The following DTNB variants were observed in gnomAD, a reference collection of about 807,000 sequenced individuals.
DTNB encodes the protein DTN-B.
In DTNB, 63 loss-of-function variants were observed where a neutral mutation model predicts 90.7. That is an observed-to-expected ratio of 0.69 (90% CI 0.57 to 0.86). The LOEUF is 0.86. Ranked by LOEUF, DTNB falls within the 40% of genes least tolerant of loss-of-function variation. The pLI is 0.00. For synonymous variants in DTNB, 277 were observed against 286.7 expected (o/e 0.97, Z 0.34); for missense variants, 744 against 807.1 (o/e 0.92, Z 0.95).
chr2:25,628,842 G>A (rs938075840), intron 3 of DTNB, among the ~76,000 whole-genome samples: 8 of 152,162 alleles, frequency 5.3e-5, no homozygotes, highest in Non-Finnish European at 2.9e-5. Context: ...ACTGCATTAA[G>A]TAAAATATTA....
chr2:25,446,330 G>C (rs182827611), intron 12 of DTNB, among the ~76,000 whole-genome samples: 4 of 152,256 alleles, frequency 2.6e-5, no homozygotes, highest in African/African-American at 9.6e-5. Flanking sequence ...TTGAACTTCT[G>C]GGCTCAAGCA....
chr2:25,608,573 T>C (rs2067666132), intron 4 of DTNB, among the ~76,000 whole-genome samples: 1 of 152,236 alleles, frequency 6.6e-6, no homozygotes, highest in Non-Finnish European at 1.5e-5. Context: ...GGCATATTCC[T>C]GCATCAAATA....
At chr2:25,481,800 A>T (rs971651432) in intron 10 of DTNB, 1 of 152,264 alleles carries the variant, frequency 6.6e-6, no homozygotes, top group African/African-American at 2.4e-5. Flanking sequence ...CAGAAATTCC[A>T]GTTCACTGGG....
At chr2:25,525,798 A>T (rs1457622904) in intron 9 of DTNB, among the ~76,000 whole-genome samples, 1 of 152,156 alleles carries the variant, frequency 6.6e-6, no homozygotes, top group Non-Finnish European at 1.5e-5. Flanking sequence ...AATAGAAGAA[A>T]CGTGAAGTCA....
chr2:25,656,084 A>C (rs1417537396), intron 1 of DTNB, among the ~76,000 whole-genome samples: 6 of 152,066 alleles, frequency 3.9e-5, no homozygotes, highest in Non-Finnish European at 7.4e-5. Flanking sequence ...CCACTCCCCC[A>C]CTGGCTTTTC....
At chr2:25,624,394 T>C (rs1255618776) in intron 4 of DTNB, among the ~76,000 whole-genome samples, 1 of 152,218 alleles carries the variant, frequency 6.6e-6, no homozygotes, top group Non-Finnish European at 1.5e-5. Flanking sequence ...CAACTCTTCC[T>C]TAACCTCAAC....
At chr2:25,541,706 C>T (rs1411679234) in intron 8 of DTNB, among the ~76,000 whole-genome samples, 1 of 152,066 alleles carries the variant, frequency 6.6e-6, no homozygotes, top group Non-Finnish European at 1.5e-5. Context: ...TCATGAATAG[C>T]GTTGCTATGA....
intron 6 of DTNB, among the ~76,000 whole-genome samples, chr2:25,583,246 CA>C (rs55876799): frequency 0.16 from 15,069 of 96,724 alleles, 777 homozygotes; most frequent in African/African-American, 0.22. Flanking sequence ...GATTCCGTCT[CA>C]AAAAAAAAAA....
intron 4 of DTNB, among the ~76,000 whole-genome samples, chr2:25,611,222 T>C (rs1243303026): frequency 6.6e-6 from 1 of 152,220 alleles, no homozygotes; most frequent in African/African-American, 2.4e-5. Flanking sequence ...TCCATTCTCT[T>C]ACTGAGGGAT....
chr2:25,550,418 A>C (rs1475649022), intron 8 of DTNB, among the ~76,000 whole-genome samples: 5 of 151,896 alleles, frequency 3.3e-5, no homozygotes, highest in African/African-American at 1.2e-4. Context: ...CAAAACAAAC[A>C]AACAAAAAAA....
chr2:25,663,158 C>T (rs1361417235), intron 1 of DTNB, among the ~76,000 whole-genome samples: 1 of 151,740 alleles, frequency 6.6e-6, no homozygotes, highest in African/African-American at 2.4e-5. Context: ...TGAGAACATG[C>T]GGTATTCTGT....
At chr2:25,524,424 G>T (rs867218514) in intron 9 of DTNB, among the ~76,000 whole-genome samples, 1 of 148,320 alleles carries the variant, frequency 6.7e-6, no homozygotes, top group Non-Finnish European at 1.5e-5. Context: ...TTTTTTGGTG[G>T]GGGGGGTGGT....
chr2:25,444,192 A>T (rs1574542780), intron 12 of DTNB, among the ~76,000 whole-genome samples: 1 of 152,158 alleles, frequency 6.6e-6, no homozygotes. Context: ...AGAATTTGCT[A>T]TTACGACTAC....
intron 2 of DTNB, among the ~76,000 whole-genome samples, chr2:25,645,347 G>A (rs13030960): frequency 0.3 from 43,206 of 141,680 alleles, 7,238 homozygotes; most frequent in Non-Finnish European, 0.4. Context: ...GACAGAGCAA[G>A]ACTCCATCAC....
chr2:25,624,655 T>C (rs999283907), intron 4 of DTNB, among the ~76,000 whole-genome samples: 1 of 152,132 alleles, frequency 6.6e-6, no homozygotes, highest in Non-Finnish European at 1.5e-5. Flanking sequence ...AGGTTGGAAA[T>C]AGAAAGGGGA....
At chr2:25,384,170 C>T (rs2038781681) in intron 18 of DTNB, among the ~76,000 whole-genome samples, 1 of 152,224 alleles carries the variant, frequency 6.6e-6, no homozygotes, top group Non-Finnish European at 1.5e-5. Flanking sequence ...GGGTTGCGTG[C>T]CTCTGTTCTA....
chr2:25,417,095 A>T (rs979917843), intron 16 of DTNB, among the ~76,000 whole-genome samples: 1 of 152,236 alleles, frequency 6.6e-6, no homozygotes. Flanking sequence ...CTAAGTCAAC[A>T]GAGCAGCACT....
chr2:25,379,015 G>A (rs1049199961), intron 20 of DTNB, among the ~76,000 whole-genome samples: 4 of 152,186 alleles, frequency 2.6e-5, no homozygotes, highest in African/African-American at 4.8e-5. Context: ...CAGCAGTGTC[G>A]GGTCTGCCAA....
At chr2:25,443,075 C>T (rs982583273) in intron 12 of DTNB, among the ~76,000 whole-genome samples, 1 of 152,098 alleles carries the variant, frequency 6.6e-6, no homozygotes, top group African/African-American at 2.4e-5. Context: ...GAGAGATCAT[C>T]TAAAAATTAA....
Sources: gnomAD v4.1 joint callset for allele counts (sites outside exome capture counted in the v4.1 genomes callset) on GRCh38, gnomAD v4.1.1 for gene constraint, MANE v1.5 for transcripts, NCBI Gene and HGNC (gene_info 2026-07-23, HGNC 2026-07-21) for gene names.